GPATCH8: variants seen among roughly 807,000 people sequenced by gnomAD.
The protein encoded by GPATCH8 is G patch domain-containing protein 8.
Under a neutral mutation model 118.3 loss-of-function variants are expected in GPATCH8, and 18 were observed. That is an observed-to-expected ratio of 0.15 (90% CI 0.11 to 0.23). The LOEUF is 0.23. Among genes scored for constraint, GPATCH8 ranks in the 10% least tolerant of loss-of-function variants. The pLI, the probability that GPATCH8 is intolerant of heterozygous loss-of-function variation, is 1.00. For missense variants in GPATCH8, 1,631 were observed against 1,873.8 expected (o/e 0.87, Z 2.39); for synonymous variants, 659 against 684.7 (o/e 0.96, Z 0.59).
At chr17:44,489,343 CTT>C (rs920572731) in intron 1 of GPATCH8, among the ~76,000 whole-genome samples, 2 of 150,664 alleles carry the variant, frequency 1.3e-5, no homozygotes, top group African/African-American at 4.9e-5. Flanking sequence ...CCCACCCCCT[CTT>C]TTTTGTTTTT....
chr17:44,431,540 C>T (rs185600398), intron 5 of GPATCH8, among the ~76,000 whole-genome samples: 1 of 148,812 alleles, frequency 6.7e-6, no homozygotes, highest in Admixed American at 6.9e-5. Flanking sequence ...CTTTATATCT[C>T]ACATATTAAA....
At chr17:44,422,108 A>T (rs989653319) in intron 6 of GPATCH8, among the ~76,000 whole-genome samples, 2 of 152,214 alleles carry the variant, frequency 1.3e-5, no homozygotes, top group African/African-American at 2.4e-5. Context: ...AAAATTCTCA[A>T]GAACCCCAAA....
chr17:44,409,219 T>C (rs2049342407), intron 6 of GPATCH8: 1 of 152,146 alleles, frequency 6.6e-6, no homozygotes, highest in Non-Finnish European at 1.5e-5. Flanking sequence ...CTCCTGGGAG[T>C]TCATCACATG....
chr17:44,414,147 A>ATATATATGTGTATATATATATATGTGTG (rs1567955879), intron 6 of GPATCH8, among the ~76,000 whole-genome samples: 31 of 23,770 alleles, frequency 1.3e-3, no homozygotes, highest in Non-Finnish European at 3.4e-3. Context: ...ATATATGTGT[A>ATATATATGTGTATATATATATATGTGTG]TATATATATG....
chr17:44,491,108 A>G (rs1319441457), intron 1 of GPATCH8, among the ~76,000 whole-genome samples: 1 of 152,252 alleles, frequency 6.6e-6, no homozygotes, highest in East Asian at 1.9e-4. Context: ...ATCACAATCA[A>G]GAGCCTATAA....
At position 44,397,834 on chromosome 17, in the gene GPATCH8, G is replaced by C. The variant is rs1202310790; in HGVS notation, c.4243C>G (p.Pro1415Ala). The change falls in exon 8 of 8, where the codon CCC (proline) becomes GCC (alanine). Residue 1415 changes from proline (P) to alanine (A), a missense_variant. By Grantham distance (27) the Pro-to-Ala change is conservative. This residue lies in a region of GPATCH8 where 111 missense variants were observed against 112.4 expected (regional missense o/e 0.99). Transcript: ENST00000591680. The stretch of plus-strand genomic sequence containing the variant: ...TGAGTGAGGTGGGACAAAGAAATGG[G>C]GGTCAGATGGGGCTGGGGAATATGA... The part of the protein sequence containing the change: ...VHHIPQPHLT[P>A]ISLSHLTHSI... 1.3e-6 allele frequency: 2 copies of C among 1,594,692 alleles called. No homozygotes were observed. The highest frequency in any genetic ancestry group is 2.3e-5 in the South Asian group (2 of 88,400).
At chr17:44,443,900 C>G (rs2050784328) in intron 3 of GPATCH8, among the ~76,000 whole-genome samples, 1 of 152,152 alleles carries the variant, frequency 6.6e-6, no homozygotes, top group Non-Finnish European at 1.5e-5. Flanking sequence ...TCTTGAACTT[C>G]TGAGCTCAAG....
Position 44,399,461 on chromosome 17 carries a change from A to G in GPATCH8, c.2616T>C (p.Ser872=). The part of the protein sequence containing the change: ...SHRSSRRSYS[S]SSDASSDQSC... ...TCTGGTCTGAAGAGGCATCTGAGCT[A>G]CTTGAGTAAGAACGCCGGGAGGAAC... The change falls in exon 8 of 8, where the codon AGT becomes AGC. Residue 872 remains serine (S), a synonymous_variant. Transcript: ENST00000591680. The G allele has an allele frequency of 6.2e-7, 1 of 1,614,144 alleles. No individual in the cohort carries two copies. Among genetic ancestry groups the G allele is most frequent in the East Asian group, 2.2e-5 (1 of 44,880 alleles).
chr17:44,463,913 G>A (rs922675095), intron 3 of GPATCH8, among the ~76,000 whole-genome samples: 8 of 152,072 alleles, frequency 5.3e-5, no homozygotes, highest in African/African-American at 1.7e-4. Flanking sequence ...AGGAACCTGA[G>A]AAATAACCTC....
chr17:44,496,021 C>T (rs1969643617), intron 1 of GPATCH8, among the ~76,000 whole-genome samples: 1 of 152,132 alleles, frequency 6.6e-6, no homozygotes, highest in East Asian at 1.9e-4. Context: ...GAGCGCACCA[C>T]CACACCCAAC....
rs527997695 is a variant in GPATCH8, at chr17:44,477,633, T to C, written c.46-2730A>G. Among the ~76,000 whole-genome samples the C allele has an allele frequency of 4.1e-5, 6 of 145,752 alleles. No individual in the cohort carries two copies. In the South Asian group the frequency reaches 1.3e-3, roughly 31 times the overall value. ...AAATAAAATTGTATGGCAAAGTCTA[T>C]CCAAATAAAGAAAGGGAAAAAAAAG... On this transcript the variant is annotated intron_variant, in intron 1 of 7. Coordinates refer to ENST00000591680, the MANE Select transcript of GPATCH8 (RefSeq NM_001002909.4).
rs1598406725 is a variant in GPATCH8 at position 44,401,528 on chromosome 17, A to C, written c.624-75T>G. 2.1e-5 allele frequency: 19 copies of C among 909,538 alleles called. 1 individual carries two copies. The South Asian group carries it at 2.5e-4, about 12-fold the overall frequency. The allele number at this position is 909,538 out of a possible 1,614,324, so 56.3% of individuals were successfully genotyped here. ...CATTTCATAAACCTTATAAAATACTAATCTCTTATATCCTATCATTCATTA... is the reference window on the plus strand; with the variant it reads ...CATTTCATAAACCTTATAAAATACTCATCTCTTATATCCTATCATTCATTA... On this transcript the variant is annotated intron_variant, in intron 7 of 7. Coordinates refer to ENST00000591680, the MANE Select transcript of GPATCH8 (RefSeq NM_001002909.4).
At chr17:44,427,321 T>A (rs1028015973) in intron 5 of GPATCH8, among the ~76,000 whole-genome samples, 14 of 151,954 alleles carry the variant, frequency 9.2e-5, no homozygotes, top group Middle Eastern at 6.8e-3. Context: ...GGCTTATGTT[T>A]ATATAAAATA....
At chr17:44,471,397 G>T (rs1377680424) in intron 2 of GPATCH8, among the ~76,000 whole-genome samples, 2 of 151,968 alleles carry the variant, frequency 1.3e-5, no homozygotes, top group East Asian at 3.9e-4. Context: ...AAAATAAAAA[G>T]ACCTTAATCC....
At chr17:44,470,094 C>CCAGT (rs1200047423) in intron 2 of GPATCH8, among the ~76,000 whole-genome samples, 1 of 152,232 alleles carries the variant, frequency 6.6e-6, no homozygotes, top group African/African-American at 2.4e-5. Context: ...AGAGCAAGGA[C>CCAGT]CGACTAGCGG....
chr17:44,500,980 GA>G (rs1335124179), intron 1 of GPATCH8, among the ~76,000 whole-genome samples: 1 of 152,004 alleles, frequency 6.6e-6, no homozygotes, highest in African/African-American at 2.4e-5. Context: ...AAAACATCTA[GA>G]AAAATACCAC....
At chr17:44,420,157 T>C (rs2049844557) in intron 6 of GPATCH8, among the ~76,000 whole-genome samples, 1 of 152,126 alleles carries the variant, frequency 6.6e-6, no homozygotes, top group South Asian at 2.1e-4. Flanking sequence ...ATATATATTC[T>C]GTATTAGTGA....
At chr17:44,415,770 T>C (rs2049653930) in intron 6 of GPATCH8, among the ~76,000 whole-genome samples, 1 of 152,222 alleles carries the variant, frequency 6.6e-6, no homozygotes, top group Non-Finnish European at 1.5e-5. Flanking sequence ...CCACAGTGCA[T>C]CACTGTGATA....
chr17:44,418,739 C>T (rs901540626), intron 6 of GPATCH8, among the ~76,000 whole-genome samples: 2 of 152,176 alleles, frequency 1.3e-5, no homozygotes, highest in African/African-American at 4.8e-5. Context: ...GCGTGAGCCA[C>T]CGCGCCCGGC....
Sources: allele counts gnomAD v4.1 joint callset (sites outside exome capture counted in the v4.1 genomes callset), GRCh38; gene constraint gnomAD v4.1.1; regional missense constraint gnomAD v4.1.1; transcripts MANE v1.5; gene names NCBI Gene and HGNC (gene_info 2026-07-23, HGNC 2026-07-21).